The following UBR1 variants were observed in gnomAD, a reference collection of about 807,000 sequenced individuals.
UBR1 encodes the protein ubiquitin protein ligase E3 component n-recognin 1.
Under a neutral mutation model 242.1 loss-of-function variants are expected in UBR1, and 102 were observed. The ratio of observed to expected loss-of-function variants is 0.42; its 90% CI spans 0.36 to 0.50. The LOEUF (loss-of-function observed/expected upper bound fraction) is 0.50, where lower values mean the gene tolerates loss of function less well. Among genes scored for constraint, UBR1 ranks in the 20% least tolerant of loss-of-function variants. The probability of loss-of-function intolerance (pLI) is 0.01; values close to 1 mark genes in which losing one functional copy is unlikely to be tolerated. For synonymous variants in UBR1, 675 were observed against 684.8 expected (o/e 0.99, Z 0.22); for missense variants, 1,772 against 2,101.8 (o/e 0.84, Z 3.07).
intron 25 of UBR1, among the ~76,000 whole-genome samples, chr15:43,023,305 A>G (rs890522874): frequency 1.3e-5 from 2 of 152,130 alleles, no homozygotes; most frequent in African/African-American, 4.8e-5. Flanking sequence ...AAAATGTTCA[A>G]CCTGGCCCGG....
At chr15:43,081,550 A>G (rs1420540311) in intron 3 of UBR1, among the ~76,000 whole-genome samples, 1 of 152,026 alleles carries the variant, frequency 6.6e-6, no homozygotes, top group African/African-American at 2.4e-5. Context: ...TTAATTTGCA[A>G]TTCCCTAATG....
rs759731069 is a variant in UBR1 at position 43,063,398 on chromosome 15, G to A, written c.799-3284C>T. On this transcript the variant is annotated intron_variant, in intron 6 of 46. Coordinates refer to ENST00000290650, the MANE Select transcript of UBR1 (RefSeq NM_174916.3). ...TCCTACTGGTATGTGTTTTTTTAGA[G>A]TCCTACGATCATGATAGCTCACAGT... is the stretch of plus-strand genomic sequence containing the variant. Among the ~76,000 whole-genome samples the A allele has an allele frequency of 5.3e-5, 8 of 152,248 alleles. No homozygotes were observed. In the East Asian group the frequency reaches 5.8e-4, roughly 11 times the overall value.
At chr15:43,082,759 C>A in intron 2 of UBR1, 43 bp from the exon 3 acceptor site, 1 of 1,406,758 alleles carries the variant, frequency 7.1e-7, no homozygotes, top group Non-Finnish European at 1.0e-6. Context: ...TAGATGACTC[C>A]CACTGATGCT....
At position 42,990,898 on chromosome 15, in the gene UBR1, A is replaced by T. The variant is rs144269249; in HGVS notation, c.3758-778T>A. Among the ~76,000 whole-genome samples the T allele has an allele frequency of 7.5e-4, 114 of 152,144 alleles. 1 individual carries two copies. Among genetic ancestry groups the T allele is most frequent in the African/African-American group, 2.6e-3 (108 of 41,482 alleles). On this transcript the variant is annotated intron_variant, in intron 33 of 46. Transcript: ENST00000290650. ...CTCTGTAGCTCCATTTCCTTGTCAAATTCAAATGCTATTTCCCGACATGAA... is the reference window on the plus strand; with the variant it reads ...CTCTGTAGCTCCATTTCCTTGTCAATTTCAAATGCTATTTCCCGACATGAA...
chr15:42,980,589 T>TATCCATCCATCCATCCATCC (rs111388433), intron 37 of UBR1, among the ~76,000 whole-genome samples: 3 of 151,492 alleles, frequency 2.0e-5, no homozygotes, highest in African/African-American at 7.3e-5. Context: ...CCTATCTATC[T>TATCCATCCATCCATCCATCC]ATCCATCCAT....
In UBR1 at chr15:43,043,292, T is replaced by C. The variant is rs775971046; in HGVS notation, c.1772A>G (p.His591Arg). Residue 591 changes from histidine to arginine, a missense_variant, in exon 15 of 47, where the codon CAT (histidine) becomes CGT (arginine). Physicochemically the swap from His to Arg is conservative, Grantham distance 29. Around this residue, in one of 3 missense-constraint regions of UBR1, gnomAD observed 734 missense variants for 893.3 expected, o/e 0.82. Transcript: ENST00000290650. ...TCTGTAGGACTTTGTTTCCAAACTATGTCCACACGATTGTACTACTGTCTT... is the reference window on the plus strand; with the variant it reads ...TCTGTAGGACTTTGTTTCCAAACTACGTCCACACGATTGTACTACTGTCTT... Reference protein sequence around the residue: ...SSKTVVQSCGHSLETKSYRVS... With the variant: ...SSKTVVQSCGRSLETKSYRVS... 2.5e-6 allele frequency: 4 copies of C among 1,614,124 alleles called. No individual in the cohort carries two copies. Among genetic ancestry groups the C allele is most frequent in the African/African-American group, 1.3e-5 (1 of 75,022 alleles).
In UBR1 at chr15:42,963,990, T is replaced by C. The variant is rs1160622747; in HGVS notation, c.4645A>G (p.Asn1549Asp). The change falls in exon 42 of 47, where the codon AAT becomes GAT. Residue 1549 changes from asparagine (N) to aspartate (D), a missense_variant. Around this residue, in one of 3 missense-constraint regions of UBR1, gnomAD observed 965 missense variants for 1,079.7 expected, o/e 0.89. Coordinates refer to ENST00000290650, the MANE Select transcript of UBR1 (RefSeq NM_174916.3). ...TATTCCTGGAAGAGCAGGAACAAAT[T>C]TGTAGGTAAAGATAGATAGCTACAG... is the stretch of plus-strand genomic sequence containing the variant. The part of the protein sequence containing the change: ...ALCSYLSLPT[N>D]LFLLFQEYWD... 6.2e-7 allele frequency: 1 copy of C among 1,613,540 alleles called. No homozygotes were observed. The highest frequency in any genetic ancestry group is 8.5e-7 in the Non-Finnish European group (1 of 1,179,714).
chr15:42,955,945 A>G (rs921253077), intron 44 of UBR1, among the ~76,000 whole-genome samples: 1 of 152,218 alleles, frequency 6.6e-6, no homozygotes, highest in African/African-American at 2.4e-5. Flanking sequence ...TATATTGTTA[A>G]CCTATTTTGT....
At chr15:42,995,625 G>T (rs559377446) in intron 33 of UBR1, among the ~76,000 whole-genome samples, 1 of 151,914 alleles carries the variant, frequency 6.6e-6, no homozygotes, top group Middle Eastern at 3.4e-3. Flanking sequence ...CCGAGATCAC[G>T]CCACTGCACT....
chr15:43,034,494 A>G (rs2033304231), intron 19 of UBR1, among the ~76,000 whole-genome samples: 1 of 152,090 alleles, frequency 6.6e-6, no homozygotes, highest in Admixed American at 6.5e-5. Flanking sequence ...CTGAGACAAC[A>G]AAGATAAAAA....
chr15:43,100,458 A>T (rs2034218184), intron 1 of UBR1, among the ~76,000 whole-genome samples: 1 of 152,056 alleles, frequency 6.6e-6, no homozygotes, highest in African/African-American at 2.4e-5. Context: ...TACTAATCTT[A>T]CTACAATAAA....
intron 24 of UBR1, 81 bp from the exon 25 acceptor site, chr15:43,025,064 A>C: frequency 6.5e-7 from 1 of 1,543,178 alleles, no homozygotes; most frequent in East Asian, 2.3e-5. Context: ...TAAAGTGCAA[A>C]TGTCAAAAAA....
intron 2 of UBR1, among the ~76,000 whole-genome samples, chr15:43,082,917 AG>A (rs1409037127): frequency 6.6e-6 from 1 of 152,240 alleles, no homozygotes; most frequent in Non-Finnish European, 1.5e-5. Context: ...GCCACATTTA[AG>A]TGTGTAGGTC....
At chr15:43,056,033 T>A (rs1319971454) in intron 11 of UBR1, among the ~76,000 whole-genome samples, 1 of 152,208 alleles carries the variant, frequency 6.6e-6, no homozygotes, top group Non-Finnish European at 1.5e-5. Flanking sequence ...CCCTCCCACT[T>A]CTTAGTTTTA....
chr15:43,014,793 G>A (rs1416901017), intron 29 of UBR1, among the ~76,000 whole-genome samples: 2 of 148,656 alleles, frequency 1.3e-5, no homozygotes, highest in Non-Finnish European at 3.0e-5. Context: ...GAGGTGGGGG[G>A]TCAGCCCCTG....
intron 37 of UBR1, among the ~76,000 whole-genome samples, chr15:42,981,968 C>A (rs938927076): frequency 6.6e-6 from 1 of 152,142 alleles, no homozygotes; most frequent in Non-Finnish European, 1.5e-5. Context: ...ACATAAATTC[C>A]TCCAGTATTG....
rs759465745 is a variant in UBR1 at position 43,032,645 on chromosome 15, A to G, written c.2191-14T>C. On this transcript the variant is annotated splice_polypyrimidine_tract_variant and intron_variant, in intron 19 of 46. Transcript: ENST00000290650. The stretch of plus-strand genomic sequence containing the variant: ...TTTAATCAAATCCTATAGAATCGAA[A>G]AAGAGTAAATTAGTTATGGAAGAAC... The G allele has an allele frequency of 6.8e-7, 1 of 1,473,172 alleles. No homozygotes were observed. Among genetic ancestry groups the G allele is most frequent in the South Asian group, 1.2e-5 (1 of 86,086 alleles). The allele number at this position is 1,473,172 out of a possible 1,614,324, so 91.3% of individuals were successfully genotyped here.
intron 29 of UBR1, among the ~76,000 whole-genome samples, chr15:43,010,818 CAAAAAAA>C (rs768275252): frequency 7.2e-4 from 41 of 56,980 alleles, no homozygotes; most frequent in Admixed American, 3.8e-3. Context: ...ACTAAAAATA[CAAAAAAA>C]AAAAAAAAAA....
intron 40 of UBR1, among the ~76,000 whole-genome samples, chr15:42,966,796 C>A (rs1327919879): frequency 6.6e-6 from 1 of 151,882 alleles, no homozygotes; most frequent in Non-Finnish European, 1.5e-5. Context: ...AGGCAAGGAA[C>A]TACTCTTCTT....
Sources: allele counts gnomAD v4.1 joint callset (sites outside exome capture counted in the v4.1 genomes callset), GRCh38; gene constraint gnomAD v4.1.1; regional missense constraint gnomAD v4.1.1; transcripts MANE v1.5; gene names NCBI Gene and HGNC (gene_info 2026-07-23, HGNC 2026-07-21).